Variants in INSRR observed in about 807,000 individuals in gnomAD.
INSRR encodes insulin receptor-related protein.
A neutral mutation model predicts 130.0 loss-of-function variants in INSRR; 114 were observed. That is an observed-to-expected ratio of 0.88 (90% confidence interval 0.75 to 1.02). INSRR has a LOEUF of 1.02. Ranked by LOEUF, INSRR falls within the 50% of genes least tolerant of loss-of-function variation. INSRR has a pLI of 0.00. For missense variants in INSRR, 1,657 were observed against 1,735.2 expected, an observed-to-expected ratio of 0.95 and a Z score of 0.80; for synonymous variants, 674 against 705.2, an observed-to-expected ratio of 0.96 and a Z score of 0.70.
At chr1:156,851,123 C>T in intron 5 of INSRR, 167 bp downstream of exon 5, 1 of 750,640 alleles carries the variant, frequency 1.3e-6, no homozygotes, top group East Asian at 2.5e-5. Context: ...TATATTAGCC[C>T]TATTTTACAG....
chr1:156,856,200 C>A (rs1426720143), intron 1 of INSRR, among the ~76,000 whole-genome samples: 1 of 152,078 alleles, frequency 6.6e-6, no homozygotes, highest in African/African-American at 2.4e-5. Flanking sequence ...TTATTGTAAG[C>A]TCCATAAGGG....
chr1:156,843,448 C>T lies in INSRR; in HGVS notation c.2875G>A (p.Glu959Lys). ...CTACTATCAGAGGCGCTGAAGTACT[C>T]TGGATTCACAGAAGCATACAGGGTT... is the stretch of plus-strand genomic sequence containing the variant. ...NRTLYASVNP[E>K]YFSASDMYVP... The change falls in exon 16 of 22, where the codon GAG becomes AAG. Residue 959 changes from glutamate to lysine, a missense_variant. Physicochemically the swap from Glu to Lys is moderately conservative, Grantham distance 56 (BLOSUM62 1). Transcript: ENST00000368195. The T allele has an allele frequency of 6.2e-7, 1 of 1,614,234 alleles. No homozygotes were observed. The highest frequency in any genetic ancestry group is 8.5e-7 in the Non-Finnish European group (1 of 1,180,044).
In INSRR at chr1:156,842,400, C is replaced by T. The variant is rs1181895076; in HGVS notation, c.3235G>A (p.Glu1079Lys). Reference sequence around the variant, plus strand: ...CCCAGGGTCTTCCTGGTCCCTACCTCTGCCTCAGGCCGCAAAGATCGAAGA... The same window carrying T: ...CCCAGGGTCTTCCTGGTCCCTACCTTTGCCTCAGGCCGCAAAGATCGAAGA... ...SHLRSLRPEA[E>K]NNPGLPQPAL... The change falls in exon 18 of 22, where the codon GAG becomes AAG. Residue 1079 changes from glutamate (E) to lysine (K), a missense_variant and splice_region_variant. Transcript: ENST00000368195. The T allele has an allele frequency of 1.9e-6, 3 of 1,613,960 alleles. No homozygotes were observed. In the Admixed American group the frequency reaches 5.0e-5, roughly 27 times the overall value.
Position 156,844,175 on chromosome 1 carries a change from C to T in INSRR, c.2843G>A (p.Arg948Lys). 3.1e-6 allele frequency: 5 copies of T among 1,610,796 alleles called. No homozygotes were observed. The highest frequency in any genetic ancestry group is 3.4e-6 in the Non-Finnish European group (4 of 1,177,408). The change falls in exon 15 of 22, where the codon AGA becomes AAA. Residue 948 changes from arginine (R) to lysine (K), a missense_variant and splice_region_variant. Coordinates refer to ENST00000368195, the MANE Select transcript of INSRR (RefSeq NM_014215.3). Reference sequence around the variant, plus strand: ...GGGGACCGGTGGGACTTATCATCACCTCTTCTTGCCGTAGAAGAAACCAAG... The same window carrying T: ...GGGGACCGGTGGGACTTATCATCACTTCTTCTTGCCGTAGAAGAAACCAAG... Reference protein sequence around the residue: ...AALGFFYGKKRNRTLYASVNP... With the variant: ...AALGFFYGKKKNRTLYASVNP...
At position 156,845,939 on chromosome 1, in the gene INSRR, C is replaced by A; in HGVS notation, c.1978+13G>T. On this transcript the variant is annotated intron_variant, in intron 9 of 21. Transcript: ENST00000368195. ...CCCGCCCCGCGGCCGGCCTGCGCGTCGTCCCTGCGCACCGCGGTGGCAGTA... is the reference window on the plus strand; with the variant it reads ...CCCGCCCCGCGGCCGGCCTGCGCGTAGTCCCTGCGCACCGCGGTGGCAGTA... The A allele has an allele frequency of 6.2e-7, 1 of 1,608,788 alleles. No individual in the cohort carries two copies.
intron 5 of INSRR, 76 bp from the exon 6 acceptor site, chr1:156,849,536 C>T (rs974888830): frequency 8.9e-7 from 1 of 1,121,972 alleles, no homozygotes; most frequent in Non-Finnish European, 1.3e-6. Context: ...TTATGGGTTC[C>T]TCCTGGAAGG....
In INSRR at chr1:156,843,046, GA is replaced by G; in HGVS notation, c.3083del (p.Leu1028ProfsTer7). 1 of 1,614,098 alleles carries G rather than the reference GA, an allele frequency of 6.2e-7. No homozygotes were observed. The highest frequency in any genetic ancestry group is 8.5e-7 in the Non-Finnish European group (1 of 1,179,998). Reference protein sequence around the residue: ...LASPRECIEFLKEASVMKAFK... With the variant: ...LASPRECIEFXKEASVMKAFK... ...AGGCTTTCATGACAGAAGCTTCCTTGAGGAACTCAATGCATTCCCGTGGGCT... is the reference window on the plus strand; with the variant it reads ...AGGCTTTCATGACAGAAGCTTCCTTGGGAACTCAATGCATTCCCGTGGGCT... On this transcript the variant is annotated frameshift_variant, in exon 17 of 22. Coordinates refer to ENST00000368195, the MANE Select transcript of INSRR (RefSeq NM_014215.3). LOFTEE classifies it high-confidence loss of function.
intron 8 of INSRR, 107 bp downstream of exon 8, chr1:156,846,412 G>A: frequency 1.1e-6 from 1 of 927,330 alleles, no homozygotes; most frequent in South Asian, 1.6e-5. Flanking sequence ...TCCAGCCTCT[G>A]TGGGCCAGGT....
In INSRR at chr1:156,840,177, T is replaced by C. The variant is rs1654720082; in HGVS notation, c.*696A>G. ...GGAGGAAGATGAGGCTCTGAAAGCC[T>C]TAAGCATCCAGGGCTAATCATTGAG... On this transcript the variant is annotated 3_prime_UTR_variant, in exon 22 of 22. Transcript: ENST00000368195. 6.6e-6 allele frequency: 1 copy of C among 152,072 alleles called. No homozygotes were observed. The highest frequency in any genetic ancestry group is 2.4e-5 in the African/African-American group (1 of 41,280). The allele number at this position is 152,072 out of a possible 1,614,324, so 9.4% of individuals were successfully genotyped here.
intron 19 of INSRR, 72 bp downstream of exon 19, chr1:156,842,040 T>C (rs372048671): frequency 1.3e-6 from 2 of 1,599,080 alleles, no homozygotes; most frequent in African/African-American, 2.7e-5. Context: ...GGGCTGTGGG[T>C]CTCCTGATGC....
rs578124397 is a variant in INSRR, at chr1:156,844,296, C to G, written c.2738-16G>C. On this transcript the variant is annotated splice_polypyrimidine_tract_variant and intron_variant, in intron 14 of 21. Coordinates refer to ENST00000368195, the MANE Select transcript of INSRR (RefSeq NM_014215.3). ...TCCTCCTCCTCTGGCAGTCAGAGGG[C>G]AGCAGAGGGTAGAGTCAAAGATGTA... The G allele has an allele frequency of 4.4e-6, 7 of 1,595,930 alleles. No individual in the cohort carries two copies. In the South Asian group the frequency reaches 5.5e-5, roughly 13 times the overall value.
chr1:156,848,824 A>C, intron 7 of INSRR, 97 bp downstream of exon 7: 1 of 1,438,036 alleles, frequency 7.0e-7, no homozygotes, highest in South Asian at 1.4e-5. Flanking sequence ...CTGGGTCTTC[A>C]TAGCCTCGCT....
chr1:156,858,145 TC>T (rs1160589467), intron 1 of INSRR, among the ~76,000 whole-genome samples: 2 of 152,184 alleles, frequency 1.3e-5, no homozygotes, highest in African/African-American at 4.8e-5. Context: ...CAACATTGCC[TC>T]CATTACTTAA....
intron 5 of INSRR, 172 bp downstream of exon 5, chr1:156,851,118 T>C: frequency 1.4e-6 from 1 of 734,466 alleles, no homozygotes. Flanking sequence ...AATGTTATAT[T>C]AGCCCTATTT....
chr1:156,851,824 C>T (rs765578196), intron 3 of INSRR, 36 bp from the exon 4 acceptor site: 3 of 1,588,432 alleles, frequency 1.9e-6, no homozygotes, highest in South Asian at 1.1e-5. Context: ...AGCCTTGGAC[C>T]AGTTTGGGCC....
intron 15 of INSRR, 133 bp downstream of exon 15, chr1:156,844,042 C>G: frequency 1.5e-6 from 1 of 661,106 alleles, no homozygotes; most frequent in Non-Finnish European, 2.6e-6. Flanking sequence ...TTCCTCTGTG[C>G]CACCGCAGGG....
In INSRR at chr1:156,843,456, A is replaced by G; in HGVS notation, c.2867T>C (p.Val956Ala). The G allele has an allele frequency of 1.9e-6, 3 of 1,614,158 alleles. No homozygotes were observed. The highest frequency in any genetic ancestry group is 2.5e-6 in the Non-Finnish European group (3 of 1,180,020). ...KKRNRTLYAS[V>A]NPEYFSASDM... Reference sequence around the variant, plus strand: ...AGAGGCGCTGAAGTACTCTGGATTCACAGAAGCATACAGGGTTCTGTTTCT... The same window carrying G: ...AGAGGCGCTGAAGTACTCTGGATTCGCAGAAGCATACAGGGTTCTGTTTCT... Residue 956 changes from valine to alanine, a missense_variant, in exon 16 of 22, where the codon GTG becomes GCG. Val to Ala is a moderately conservative substitution (Grantham distance 64). Coordinates refer to ENST00000368195, the MANE Select transcript of INSRR (RefSeq NM_014215.3).
At position 156,849,015 on chromosome 1, in the gene INSRR, C is replaced by A; in HGVS notation, c.1477G>T (p.Val493Leu). 4 of 1,613,456 alleles carry A rather than the reference C, an allele frequency of 2.5e-6. No individual in the cohort carries two copies. Among genetic ancestry groups the A allele is most frequent in the Non-Finnish European group, 3.4e-6 (4 of 1,179,904 alleles). ...QTRTLRFVSN[V>L]TEADRILLRW... Reference sequence around the variant, plus strand: ...AGCAGGATGCGGTCTGCCTCCGTCACGTTGGACACGAAGCGCAGGGTGCGA... The same window carrying A: ...AGCAGGATGCGGTCTGCCTCCGTCAAGTTGGACACGAAGCGCAGGGTGCGA... Residue 493 changes from valine to leucine, a missense_variant, in exon 7 of 22, where the codon GTG becomes TTG. Physicochemically the swap from Val to Leu is conservative, Grantham distance 32. Coordinates refer to ENST00000368195, the MANE Select transcript of INSRR (RefSeq NM_014215.3).
At chr1:156,841,177 G>A (rs552439453) in intron 21 of INSRR, 73 bp from the exon 22 acceptor site, 138 of 1,224,438 alleles carry the variant, frequency 1.1e-4, no homozygotes, top group Non-Finnish European at 1.5e-4. Context: ...TGCACTGAGG[G>A]TCAGTTGGTG....
Sources: gnomAD v4.1 joint callset for allele counts (sites outside exome capture counted in the v4.1 genomes callset) on GRCh38, gnomAD v4.1.1 for gene constraint, MANE v1.5 for transcripts, NCBI Gene and HGNC (gene_info 2026-07-23, HGNC 2026-07-21) for gene names.